The following OR6J1 variants were observed in gnomAD, a reference collection of about 807,000 sequenced individuals.
The protein encoded by OR6J1 is olfactory receptor family 6 subfamily J member 1, also known as olfactory receptor 6J1.
For synonymous variants in OR6J1, 109 were observed against 70.0 expected, an observed-to-expected ratio of 1.56 and a Z score of -2.78; for missense variants, 304 against 166.8, an observed-to-expected ratio of 1.82 and a Z score of -4.53.
At chr14:22,643,760 C>CAGAGAGAG (rs1253631755) in intron 1 of OR6J1, among the ~76,000 whole-genome samples, 964 of 62,444 alleles carry the variant, frequency 0.015, 7 homozygotes, top group East Asian at 0.048. Flanking sequence ...CACACACACA[C>CAGAGAGAG]ACACAGAGAG....
chr14:22,634,938 C>T (rs2037573746), intron 1 of OR6J1, 100 bp from the exon 2 acceptor site: 1 of 577,014 alleles, frequency 1.7e-6, no homozygotes, highest in Non-Finnish European at 3.1e-6. Flanking sequence ...TGATGACTGC[C>T]AGCTAGACGT....
At chr14:22,637,633 T>G (rs1266652985) in intron 1 of OR6J1, among the ~76,000 whole-genome samples, 7 of 44,414 alleles carry the variant, frequency 1.6e-4, no homozygotes, top group Non-Finnish European at 3.0e-4. Flanking sequence ...GGGAGGGAGG[T>G]GGGGGGGTCA....
At chr14:22,641,027 G>A (rs1315018765) in intron 1 of OR6J1, among the ~76,000 whole-genome samples, 1 of 150,894 alleles carries the variant, frequency 6.6e-6, no homozygotes, top group African/African-American at 2.4e-5. Context: ...AAATTAGCCA[G>A]GCATGGTGCC....
chr14:22,636,433 T>A (rs1463404005), intron 1 of OR6J1, among the ~76,000 whole-genome samples: 1 of 28,916 alleles, frequency 3.5e-5, no homozygotes, highest in African/African-American at 3.2e-4. Context: ...CCTCTCCCTC[T>A]CCCTCCAGGG....
chr14:22,636,596 G>C (rs1182374622), intron 1 of OR6J1, among the ~76,000 whole-genome samples: 1 of 115,410 alleles, frequency 8.7e-6, no homozygotes, highest in Non-Finnish European at 1.7e-5. Flanking sequence ...TTTTTTTTTT[G>C]GTGGAGACGG....
rs776883380 is a variant in OR6J1 at position 22,642,969 on chromosome 14, A to ATT, written c.-28+1127_-28+1128dup. On this transcript the variant is annotated intron_variant, in intron 1 of 1. Transcript: ENST00000540461. ...AGGTGCACACCATCACACCTGGATAATTTTTTTTTTTTTTTGAGATGGAGT... is the reference window on the plus strand; with the variant it reads ...AGGTGCACACCATCACACCTGGATAATTTTTTTTTTTTTTTTTGAGATGGAGT... 5.2e-3 allele frequency among the ~76,000 whole-genome samples: 735 copies of ATT among 140,042 alleles called. 4 individuals are homozygous for ATT. The highest frequency in any genetic ancestry group is 9.2e-3 in the Non-Finnish European group (591 of 63,894). 91.9% of individuals were successfully genotyped at this position (140,042 alleles called of 152,430 possible).
At position 22,633,239 on chromosome 14, in the gene OR6J1, G is replaced by A. The variant is rs1366989641; in HGVS notation, c.*529C>T. On this transcript the variant is annotated 3_prime_UTR_variant, in exon 2 of 2. Coordinates refer to ENST00000540461, the MANE Select transcript of OR6J1 (RefSeq NM_001348233.2). ...CTTACATAACGACATGAGCATATTG[G>A]ATATTATGAACATGTTCTATTACAG... is the stretch of plus-strand genomic sequence containing the variant. The A allele has an allele frequency of 6.4e-6, 1 of 155,292 alleles. No homozygotes were observed. The highest frequency in any genetic ancestry group is 1.4e-5 in the Non-Finnish European group (1 of 69,938). The allele number at this position is 155,292 out of a possible 1,614,324, so 9.6% of individuals were successfully genotyped here.
At chr14:22,637,281 G>A (rs1256850642) in intron 1 of OR6J1, among the ~76,000 whole-genome samples, 1 of 63,576 alleles carries the variant, frequency 1.6e-5, no homozygotes, top group South Asian at 5.0e-4. Flanking sequence ...GGAGGGAGGT[G>A]GGGGGGGTCA....
intron 1 of OR6J1, among the ~76,000 whole-genome samples, chr14:22,636,252 C>T (rs769847934): frequency 0.033 from 1 of 30 alleles, no homozygotes; most frequent in Non-Finnish European, 0.056. Context: ...CTCCCTCTCC[C>T]TCTCCCTCTC....
intron 1 of OR6J1, among the ~76,000 whole-genome samples, chr14:22,636,583 G>GTT (rs1294229102): frequency 8.9e-6 from 1 of 112,494 alleles, no homozygotes; most frequent in East Asian, 2.3e-4. Context: ...ACTGGTTTTC[G>GTT]TTTTTTTTTT....
In OR6J1 at chr14:22,631,460, G is replaced by A. The variant is rs2037545649; in HGVS notation, c.*2308C>T. On this transcript the variant is annotated 3_prime_UTR_variant, in exon 2 of 2. Coordinates refer to ENST00000540461, the MANE Select transcript of OR6J1 (RefSeq NM_001348233.2). ...TTCCTCCCATTTGCTTTTGAAAGAA[G>A]AGAAATATGGCTCTGTTCCCCCCGG... 1.3e-5 allele frequency: 2 copies of A among 152,188 alleles called. No individual in the cohort carries two copies. The highest frequency in any genetic ancestry group is 6.5e-5 in the Admixed American group (1 of 15,280). The allele number at this position is 152,188 out of a possible 1,614,324, so 9.4% of individuals were successfully genotyped here.
At chr14:22,641,231 AAG>A (rs1320916570) in intron 1 of OR6J1, among the ~76,000 whole-genome samples, 2 of 36,400 alleles carry the variant, frequency 5.5e-5, no homozygotes, top group Admixed American at 4.4e-4. Flanking sequence ...GAAAGAAAGA[AAG>A]AAAGAAAGAA....
At position 22,641,262 on chromosome 14, in the gene OR6J1, A is replaced by G. The variant is rs186700288; in HGVS notation, c.-28+2836T>C. ...GAAAGAAAGAAAGAAAGAAAGAAAGAAAGAAAGGAAGGAAGGAAGAAAGAG... is the reference window on the plus strand; with the variant it reads ...GAAAGAAAGAAAGAAAGAAAGAAAGGAAGAAAGGAAGGAAGGAAGAAAGAG... On this transcript the variant is annotated intron_variant, in intron 1 of 1. Transcript: ENST00000540461. Among the ~76,000 whole-genome samples the G allele has an allele frequency of 3.9e-4, 43 of 111,486 alleles. 2 individuals carry two copies. The highest frequency in any genetic ancestry group is 1.2e-3 in the African/African-American group (36 of 30,032). The allele number at this position is 111,486 out of a possible 152,430, so 73.1% of individuals were successfully genotyped here.
chr14:22,641,395 G>GAAA (rs1294476169), intron 1 of OR6J1, among the ~76,000 whole-genome samples: 1 of 24,628 alleles, frequency 4.1e-5, no homozygotes, highest in African/African-American at 1.8e-4. Context: ...GAGAGAGAGA[G>GAAA]AGAAAGGAAG....
rs1238569983 is a variant in OR6J1, at chr14:22,634,615, G to C, written c.197C>G (p.Ser66Cys). The change falls in exon 2 of 2, where the codon TCT becomes TGT. Residue 66 changes from serine (S) to cysteine (C), a missense_variant. Physicochemically the swap from Ser to Cys is moderately radical, Grantham distance 112. Transcript: ENST00000540461. ...TPMYFFLCNLSILDILFTSVI... is the reference protein window; with the variant it reads ...TPMYFFLCNLCILDILFTSVI... ...TGAGGTGAAGAGGATGTCCAGGATA[G>C]AGAGGTTGCACAAGAAGAAGTACAT... 2 of 733,212 alleles carry C rather than the reference G, an allele frequency of 2.7e-6. No homozygotes were observed. Among genetic ancestry groups the C allele is most frequent in the African/African-American group, 1.7e-5 (1 of 58,130 alleles). 45.4% of individuals were successfully genotyped at this position (733,212 alleles called of 1,614,324 possible). A position where few individuals can be genotyped will look rare whatever the true frequency, so the allele number is the denominator to read the frequency against.
In OR6J1 at chr14:22,634,839, C is replaced by T. The variant is rs1412083611; in HGVS notation, c.-27-1G>A. ...GCCTGGTGGGCCTGGCTCAATTCTC[C>T]TAACAGAACAAAGGGAGATAACACT... On this transcript the variant is annotated splice_acceptor_variant, in intron 1 of 1. Transcript: ENST00000540461. LOFTEE classifies it low-confidence loss of function (5UTR_SPLICE). The T allele has an allele frequency of 1.5e-6, 1 of 649,084 alleles. No individual in the cohort carries two copies. The highest frequency in any genetic ancestry group is 1.8e-5 in the South Asian group (1 of 56,986). The allele number at this position is 649,084 out of a possible 1,614,324, so 40.2% of individuals were successfully genotyped here.
At chr14:22,636,119 G>T (rs2037581436) in intron 1 of OR6J1, among the ~76,000 whole-genome samples, 1 of 151,726 alleles carries the variant, frequency 6.6e-6, no homozygotes, top group East Asian at 1.9e-4. Flanking sequence ...CCAATAGAAA[G>T]ATGGGCCAAA....
Position 22,633,683 on chromosome 14 carries a change from C to G in OR6J1, c.*85G>C. 1.7e-6 allele frequency: 1 copy of G among 601,482 alleles called. No homozygotes were observed. Among genetic ancestry groups the G allele is most frequent in the Non-Finnish European group, 3.0e-6 (1 of 338,474 alleles). The allele number at this position is 601,482 out of a possible 1,614,324, so 37.3% of individuals were successfully genotyped here. A position where few individuals can be genotyped will look rare whatever the true frequency, so the allele number is the denominator to read the frequency against. ...AAAACCAAGGCCAGCGTTCAAGTCTCTGTCTCCGCAGTCAGTCTTTCCACT... is the reference window on the plus strand; with the variant it reads ...AAAACCAAGGCCAGCGTTCAAGTCTGTGTCTCCGCAGTCAGTCTTTCCACT... On this transcript the variant is annotated 3_prime_UTR_variant, in exon 2 of 2. Transcript: ENST00000540461.
In OR6J1 at chr14:22,641,321, GGA is replaced by G. The variant is rs386775545; in HGVS notation, c.-28+2775_-28+2776del. Among the ~76,000 whole-genome samples the G allele has an allele frequency of 3.9e-3, 503 of 129,748 alleles. 38 individuals carry two copies. The highest frequency in any genetic ancestry group is 0.011 in the African/African-American group (374 of 33,658). 85.1% of individuals were successfully genotyped at this position (129,748 alleles called of 152,430 possible). ...GAGACAGAGAGGAAAGAGAGAGAGA[GGA>G]AGGAAGGAAGAAAGGAGGGAGGGAG... is the stretch of plus-strand genomic sequence containing the variant. On this transcript the variant is annotated intron_variant, in intron 1 of 1. Coordinates refer to ENST00000540461, the MANE Select transcript of OR6J1 (RefSeq NM_001348233.2).
Sources: allele counts gnomAD v4.1 joint callset (sites outside exome capture counted in the v4.1 genomes callset), GRCh38; gene constraint gnomAD v4.1.1; transcripts MANE v1.5; gene names NCBI Gene and HGNC (gene_info 2026-07-23, HGNC 2026-07-21).